The following SNTG1 variants were observed in gnomAD, a reference collection of about 807,000 sequenced individuals.
The protein encoded by SNTG1 is gamma-1-syntrophin.
A neutral mutation model predicts 74.7 loss-of-function variants in SNTG1; 39 were observed. That is an observed-to-expected ratio of 0.52 (90% CI 0.40 to 0.68). The LOEUF (loss-of-function observed/expected upper bound fraction) is 0.68, where lower values mean the gene tolerates loss of function less well. SNTG1 is among the 30% of genes least tolerant of loss of function. SNTG1 has a pLI of 0.00. For synonymous variants in SNTG1, 254 were observed against 217.1 expected, an observed-to-expected ratio of 1.17 and a Z score of -1.49; for missense variants, 685 against 609.5, an observed-to-expected ratio of 1.12 and a Z score of -1.30.
chr8:49,966,360 G>A (rs1652463750), intron 1 of SNTG1, among the ~76,000 whole-genome samples: 1 of 151,772 alleles, frequency 6.6e-6, no homozygotes, highest in African/African-American at 2.4e-5. Context: ...TTTAAAAAAA[G>A]TCTATAGCTT....
chr8:50,270,563 G>A (rs1327045786), intron 2 of SNTG1, among the ~76,000 whole-genome samples: 2 of 150,060 alleles, frequency 1.3e-5, no homozygotes, highest in African/African-American at 4.8e-5. Context: ...GATCTGCATG[G>A]CCTTTGAAGG....
chr8:50,670,379 G>T (rs146047593), intron 15 of SNTG1, among the ~76,000 whole-genome samples: 3 of 151,628 alleles, frequency 2.0e-5, no homozygotes, highest in Non-Finnish European at 4.4e-5. Flanking sequence ...AAAATCACAA[G>T]CATTCTTATA....
intron 2 of SNTG1, among the ~76,000 whole-genome samples, chr8:50,285,523 T>C (rs2088720205): frequency 6.6e-6 from 1 of 152,102 alleles, no homozygotes; most frequent in Admixed American, 6.6e-5. Flanking sequence ...AAAGAGGGTA[T>C]CTTCTTTCTT....
chr8:50,619,310 C>T lies in SNTG1; in HGVS notation c.849+28393C>T, dbSNP rs538437679. Among the ~76,000 whole-genome samples, 18 of 152,268 alleles carry T rather than the reference C, an allele frequency of 1.2e-4. No individual in the cohort carries two copies. In the East Asian group the frequency reaches 3.3e-3, roughly 28 times the overall value. On this transcript the variant is annotated intron_variant, in intron 13 of 18. Transcript: ENST00000642720. ...ATTAGATTCAGAAAGGGTGCTTACACCCATCTGGAGTACCTATATATGCTT... is the reference window on the plus strand; with the variant it reads ...ATTAGATTCAGAAAGGGTGCTTACATCCATCTGGAGTACCTATATATGCTT...
At chr8:50,773,294 C>T (rs1378720939) in intron 18 of SNTG1, among the ~76,000 whole-genome samples, 2 of 152,082 alleles carry the variant, frequency 1.3e-5, no homozygotes, top group African/African-American at 4.8e-5. Context: ...TTTAGAAGCT[C>T]CAATACATTC....
intron 1 of SNTG1, among the ~76,000 whole-genome samples, chr8:50,054,461 T>C (rs1819854823): frequency 6.6e-6 from 1 of 152,124 alleles, no homozygotes; most frequent in Non-Finnish European, 1.5e-5. Flanking sequence ...CTGCTATCCT[T>C]GGCCAAGGTA....
chr8:49,970,995 G>A (rs1009031701), intron 1 of SNTG1, among the ~76,000 whole-genome samples: 6 of 152,170 alleles, frequency 3.9e-5, no homozygotes, highest in Non-Finnish European at 5.9e-5. Flanking sequence ...TAGAAAAAGA[G>A]GGAATCCTCC....
chr8:50,109,412 A>T (rs1381790630), intron 1 of SNTG1, among the ~76,000 whole-genome samples: 1 of 152,150 alleles, frequency 6.6e-6, no homozygotes, highest in Non-Finnish European at 1.5e-5. Context: ...ACATGCCAGG[A>T]GTCTAAGTCC....
chr8:50,344,450 T>A (rs913311103), intron 2 of SNTG1, among the ~76,000 whole-genome samples: 2 of 152,132 alleles, frequency 1.3e-5, no homozygotes, highest in African/African-American at 4.8e-5. Flanking sequence ...TTTCAGGGAT[T>A]CCACACACTC....
chr8:50,058,120 G>A (rs984083713), intron 1 of SNTG1, among the ~76,000 whole-genome samples: 11 of 152,042 alleles, frequency 7.2e-5, no homozygotes, highest in African/African-American at 2.4e-4. Flanking sequence ...GATTTCTAAA[G>A]CCACTTTTTA....
At chr8:50,692,254 A>G (rs2095383849) in intron 15 of SNTG1, among the ~76,000 whole-genome samples, 1 of 152,206 alleles carries the variant, frequency 6.6e-6, no homozygotes, top group Non-Finnish European at 1.5e-5. Flanking sequence ...CAACTCGTCA[A>G]AGTCATTCTC....
intron 8 of SNTG1, among the ~76,000 whole-genome samples, chr8:50,492,735 T>G (rs1485310142): frequency 2.6e-5 from 4 of 152,244 alleles, no homozygotes; most frequent in African/African-American, 4.8e-5. Context: ...CTCTTTAGTT[T>G]AATGAGACGT....
intron 2 of SNTG1, among the ~76,000 whole-genome samples, chr8:50,380,624 G>A (rs968835399): frequency 6.6e-6 from 1 of 152,092 alleles, no homozygotes; most frequent in Non-Finnish European, 1.5e-5. Flanking sequence ...AGCTCTCCAT[G>A]GGTGCAGCTG....
chr8:50,446,759 G>T (rs2093411877), intron 5 of SNTG1, among the ~76,000 whole-genome samples: 1 of 152,106 alleles, frequency 6.6e-6, no homozygotes, highest in Non-Finnish European at 1.5e-5. Context: ...TTACATATAA[G>T]AGAAAAACTG....
chr8:49,917,736 CT>C (rs1213915100), intron 1 of SNTG1, among the ~76,000 whole-genome samples: 1 of 152,150 alleles, frequency 6.6e-6, no homozygotes, highest in Non-Finnish European at 1.5e-5. Context: ...TTTCCCTTTT[CT>C]GTTTTCTTAT....
At chr8:50,407,726 C>A (rs1277604629) in intron 4 of SNTG1, among the ~76,000 whole-genome samples, 1 of 152,270 alleles carries the variant, frequency 6.6e-6, no homozygotes, top group South Asian at 2.1e-4. Flanking sequence ...TTAATACTTG[C>A]AAGGCAGTGA....
chr8:50,094,340 A>G (rs896893642), intron 1 of SNTG1, among the ~76,000 whole-genome samples: 1 of 152,162 alleles, frequency 6.6e-6, no homozygotes, highest in Non-Finnish European at 1.5e-5. Flanking sequence ...AAATTTAGTA[A>G]TGTATGCAAA....
At chr8:50,778,877 T>C (rs1001778139) in intron 18 of SNTG1, among the ~76,000 whole-genome samples, 1 of 152,150 alleles carries the variant, frequency 6.6e-6, no homozygotes. Flanking sequence ...AATTAATTTT[T>C]GTATAAGGTG....
chr8:49,927,251 T>C (rs1038712789), intron 1 of SNTG1, among the ~76,000 whole-genome samples: 5 of 152,178 alleles, frequency 3.3e-5, no homozygotes, highest in Admixed American at 3.3e-4. Context: ...ACACTTGTTG[T>C]TATTTACTCA....
Sources: allele counts gnomAD v4.1 joint callset (sites outside exome capture counted in the v4.1 genomes callset), GRCh38; gene constraint gnomAD v4.1.1; transcripts MANE v1.5; gene names NCBI Gene and HGNC (gene_info 2026-07-23, HGNC 2026-07-21).